The following ENPP6 variants were observed in gnomAD, a reference collection of about 807,000 sequenced individuals.
The protein encoded by ENPP6 is ectonucleotide pyrophosphatase/phosphodiesterase 6, also known as glycerophosphocholine cholinephosphodiesterase ENPP6.
Under a neutral mutation model 42.0 loss-of-function variants are expected in ENPP6, and 32 were observed. That is an observed-to-expected ratio of 0.76 (90% confidence interval 0.58 to 1.02). ENPP6 has a LOEUF of 1.02. Among genes scored for constraint, ENPP6 ranks in the 50% least tolerant of loss-of-function variants. The probability of loss-of-function intolerance (pLI) is 0.00; values close to 1 mark genes in which losing one functional copy is unlikely to be tolerated. For missense variants in ENPP6, 552 were observed against 566.8 expected, an observed-to-expected ratio of 0.97 and a Z score of 0.27; for synonymous variants, 213 against 216.0, an observed-to-expected ratio of 0.99 and a Z score of 0.12.
chr4:184,171,866 C>T (rs993300176), intron 1 of ENPP6, among the ~76,000 whole-genome samples: 14 of 152,148 alleles, frequency 9.2e-5, no homozygotes, highest in African/African-American at 3.4e-4. Context: ...GACAGAATCC[C>T]TGTCCTCAGG....
At chr4:184,200,976 C>T (rs1210797097) in intron 1 of ENPP6, among the ~76,000 whole-genome samples, 3 of 152,186 alleles carry the variant, frequency 2.0e-5, no homozygotes, top group Non-Finnish European at 4.4e-5. Flanking sequence ...CCCCGACAGC[C>T]CTTTGTCTAA....
intron 6 of ENPP6, among the ~76,000 whole-genome samples, chr4:184,105,527 A>G (rs548120005): frequency 6.6e-6 from 1 of 152,324 alleles, no homozygotes; most frequent in East Asian, 1.9e-4. Context: ...TTAGTTGCTC[A>G]GAGATTTGTA....
chr4:184,104,188 C>CT (rs1736050921), intron 6 of ENPP6, among the ~76,000 whole-genome samples: 1 of 152,216 alleles, frequency 6.6e-6, no homozygotes, highest in African/African-American at 2.4e-5. Context: ...ACCACACTAG[C>CT]TGTCACTAAA....
Position 184,148,851 on chromosome 4 carries a change from G to A in ENPP6, c.421+4703C>T, listed in dbSNP as rs76638276. On this transcript the variant is annotated intron_variant, in intron 2 of 7. Transcript: ENST00000296741. Reference sequence around the variant, plus strand: ...TGTGTATGTTATCACATCAAGGACCGCTTGGCAGTCCTCAGCATTGTAATC... The same window carrying A: ...TGTGTATGTTATCACATCAAGGACCACTTGGCAGTCCTCAGCATTGTAATC... Among the ~76,000 whole-genome samples, 651 of 152,272 alleles carry A rather than the reference G, an allele frequency of 4.3e-3. 3 individuals are homozygous for A. The highest frequency in any genetic ancestry group is 0.011 in the African/African-American group (446 of 41,544).
chr4:184,141,051 C>A (rs1431069507), intron 2 of ENPP6, among the ~76,000 whole-genome samples: 4 of 85,470 alleles, frequency 4.7e-5, no homozygotes, highest in African/African-American at 8.1e-5. Context: ...CAAGAAAAAA[C>A]AAACAACCCG....
At chr4:184,168,286 C>A (rs1216145716) in intron 1 of ENPP6, among the ~76,000 whole-genome samples, 2 of 152,036 alleles carry the variant, frequency 1.3e-5, no homozygotes, top group African/African-American at 4.8e-5. Flanking sequence ...CGATGTCTGG[C>A]GCGGAAAAGG....
At chr4:184,124,426 G>A (rs1158358841) in intron 2 of ENPP6, among the ~76,000 whole-genome samples, 154 bp from the exon 3 acceptor site, 2 of 152,184 alleles carry the variant, frequency 1.3e-5, no homozygotes, top group Non-Finnish European at 2.9e-5. Context: ...AATAAGTGGT[G>A]TATTTAACTG....
rs60982411 is a variant in ENPP6, at chr4:184,129,291, T to TACACACACAC, written c.422-5029_422-5020dup. ...GTAGTACACAAACACCCCCCCAACA[T>TACACACACAC]ACACACACACACACACACACACACA... On this transcript the variant is annotated intron_variant, in intron 2 of 7. Transcript: ENST00000296741. 6.0e-3 allele frequency among the ~76,000 whole-genome samples: 867 copies of TACACACACAC among 145,388 alleles called. 10 individuals are homozygous for TACACACACAC. Among genetic ancestry groups the TACACACACAC allele is most frequent in the African/African-American group, 0.021 (815 of 38,948 alleles).
intron 2 of ENPP6, among the ~76,000 whole-genome samples, chr4:184,133,192 C>CAG (rs941935860): frequency 3.3e-5 from 5 of 149,304 alleles, no homozygotes; most frequent in African/African-American, 1.2e-4. Flanking sequence ...CACACACACA[C>CAG]AGTTGAGATT....
rs1241674353 is a variant in ENPP6, at chr4:184,090,050, G to C, written c.*1127C>G. On this transcript the variant is annotated 3_prime_UTR_variant, in exon 8 of 8. Transcript: ENST00000296741. ...TTAGTTGGTCAGTGACTGGGACTCT[G>C]CTCCATCATGCTCTCTCCATTCTCC... 6.6e-6 allele frequency: 1 copy of C among 152,094 alleles called. No homozygotes were observed. The highest frequency in any genetic ancestry group is 1.5e-5 in the Non-Finnish European group (1 of 68,014). 9.4% of individuals were successfully genotyped at this position (152,094 alleles called of 1,614,324 possible). A position where few individuals can be genotyped will look rare whatever the true frequency, so the allele number is the denominator to read the frequency against.
chr4:184,201,558 C>T (rs918439799), intron 1 of ENPP6, among the ~76,000 whole-genome samples: 1 of 152,176 alleles, frequency 6.6e-6, no homozygotes, highest in African/African-American at 2.4e-5. Context: ...CCACTCCCTT[C>T]TTCATGGAGC....
At chr4:184,139,930 C>T (rs1229554636) in intron 2 of ENPP6, among the ~76,000 whole-genome samples, 2 of 97,418 alleles carry the variant, frequency 2.1e-5, no homozygotes, top group African/African-American at 7.9e-5. Context: ...GAGGAATCGC[C>T]ACACTGACTT....
intron 6 of ENPP6, among the ~76,000 whole-genome samples, chr4:184,111,035 C>T (rs1443353577): frequency 6.6e-6 from 1 of 152,120 alleles, no homozygotes; most frequent in African/African-American, 2.4e-5. Context: ...AGACCTTTCT[C>T]GCTGGAATTG....
chr4:184,192,696 A>G lies in ENPP6; in HGVS notation c.241+24883T>C, dbSNP rs57063485. ...TGGAAGAAAAATACATGCCAATCAT[A>G]TATCCCATAAGGAATTTATATCTAG... On this transcript the variant is annotated intron_variant, in intron 1 of 7. Coordinates refer to ENST00000296741, the MANE Select transcript of ENPP6 (RefSeq NM_153343.4). Among the ~76,000 whole-genome samples, 393 of 152,376 alleles carry G rather than the reference A, an allele frequency of 2.6e-3. 2 individuals carry two copies. The highest frequency in any genetic ancestry group is 9.1e-3 in the African/African-American group (377 of 41,598).
intron 2 of ENPP6, among the ~76,000 whole-genome samples, chr4:184,145,968 A>C (rs755336156): frequency 3.3e-5 from 5 of 152,188 alleles, no homozygotes. Context: ...GGTCAAAACA[A>C]TAATTTGGTT....
intron 2 of ENPP6, among the ~76,000 whole-genome samples, chr4:184,129,899 A>C (rs1479411483): frequency 6.7e-6 from 1 of 150,122 alleles, no homozygotes; most frequent in Non-Finnish European, 1.5e-5. Flanking sequence ...AATAGAAGAA[A>C]GGACACAATT....
intron 2 of ENPP6, among the ~76,000 whole-genome samples, chr4:184,143,176 A>T (rs1170591659): frequency 2.0e-5 from 3 of 152,194 alleles, no homozygotes; most frequent in Non-Finnish European, 4.4e-5. Context: ...GGCATGCAAC[A>T]TGCTGACAAG....
At chr4:184,207,323 T>C (rs1011320397) in intron 1 of ENPP6, among the ~76,000 whole-genome samples, 1 of 152,222 alleles carries the variant, frequency 6.6e-6, no homozygotes, top group Non-Finnish European at 1.5e-5. Flanking sequence ...ATGTTACCAT[T>C]AGCCTTAGCA....
intron 2 of ENPP6, 128 bp downstream of exon 2, chr4:184,153,426 T>C (rs1737091257): frequency 9.0e-7 from 1 of 1,113,074 alleles, no homozygotes; most frequent in South Asian, 1.8e-5. Flanking sequence ...GCCCAGCCAA[T>C]ACATATTTCT....
Sources: gnomAD v4.1 joint callset for allele counts (sites outside exome capture counted in the v4.1 genomes callset) on GRCh38, gnomAD v4.1.1 for gene constraint, MANE v1.5 for transcripts, NCBI Gene and HGNC (gene_info 2026-07-23, HGNC 2026-07-21) for gene names.